The following PRSS55 variants were observed in gnomAD, a reference collection of about 807,000 sequenced individuals.
PRSS55 encodes serine protease 55, also known as probable serine protease UNQ9391/PRO34284.
In PRSS55, 41 loss-of-function variants were observed where a neutral mutation model predicts 23.6. That is an observed-to-expected ratio of 1.74 (90% CI 1.35 to 2.26). The LOEUF is 2.26. Ranked by LOEUF, PRSS55 falls within the 30% of genes most tolerant of loss-of-function variation. The pLI, the probability that PRSS55 is intolerant of heterozygous loss-of-function variation, is 0.00. For missense variants in PRSS55, 669 were observed against 439.1 expected (o/e 1.52, Z -4.68); for synonymous variants, 262 against 175.5 (o/e 1.49, Z -3.90).
Position 10,531,305 on chromosome 8 carries a change from C to A in PRSS55, c.358C>A (p.Leu120Met), listed in dbSNP as rs773837631. 5.0e-5 allele frequency: 81 copies of A among 1,613,942 alleles called. 1 individual carries two copies. In the South Asian group the frequency reaches 7.5e-4, roughly 15 times the overall value. The change falls in exon 3 of 5, where the codon CTG becomes ATG. Residue 120 changes from leucine (L) to methionine (M), a missense_variant. Transcript: ENST00000328655. The stretch of plus-strand genomic sequence containing the variant: ...GTTCTCTGCCACCAGTCCAGAAGAA[C>A]TGAGTGTCGTGCTGGGGACCAACGA... ...LYSEELFPEE[L>M]SVVLGTNDLT...
intron 4 of PRSS55, among the ~76,000 whole-genome samples, chr8:10,546,277 C>T (rs905807801): frequency 1.3e-5 from 2 of 152,134 alleles, no homozygotes; most frequent in African/African-American, 4.8e-5. Context: ...AAACCATGAG[C>T]AAAGCCTGCC....
At chr8:10,532,376 G>A (rs1812299466) in intron 3 of PRSS55, among the ~76,000 whole-genome samples, 1 of 152,090 alleles carries the variant, frequency 6.6e-6, no homozygotes, top group South Asian at 2.1e-4. Context: ...AGATGGAGAG[G>A]AATTCAGGTG....
At position 10,525,663 on chromosome 8, in the gene PRSS55, G is replaced by T. The variant is rs1443705658; in HGVS notation, c.78G>T (p.Glu26Asp). ...TQLGPRTPLP[E>D]AGVAILGRAR... ...TCGGTCCACGGACTCCTCTCCCAGAGGCTGGAGTGGCTATCCTAGGCAGGG... is the reference window on the plus strand; with the variant it reads ...TCGGTCCACGGACTCCTCTCCCAGATGCTGGAGTGGCTATCCTAGGCAGGG... Residue 26 changes from glutamate to aspartate, a missense_variant, in exon 1 of 5, where the codon GAG (glutamate) becomes GAT (aspartate). By Grantham distance (45) the Glu-to-Asp change is conservative. Transcript: ENST00000328655. 1.9e-6 allele frequency: 3 copies of T among 1,614,166 alleles called. No homozygotes were observed. Among genetic ancestry groups the T allele is most frequent in the Non-Finnish European group, 2.5e-6 (3 of 1,180,018 alleles).
At chr8:10,554,030 T>G in exon 5 of PRSS55, 1 of 1,522,902 alleles carries the variant, frequency 6.6e-7, no homozygotes. Context: ...TCTGCAAAAC[T>G]GATGCTTTGC....
downstream of PRSS55, among the ~76,000 whole-genome samples, chr8:10,542,446 T>G (rs1812685117): frequency 7.0e-6 from 1 of 143,096 alleles, no homozygotes; most frequent in Non-Finnish European, 1.5e-5. Flanking sequence ...GCTAAGACAA[T>G]AAGGGAAAGT....
intron 4 of PRSS55, among the ~76,000 whole-genome samples, chr8:10,544,053 T>C (rs1812745827): frequency 6.6e-6 from 1 of 152,186 alleles, no homozygotes; most frequent in South Asian, 2.1e-4. Flanking sequence ...GTTTATAGTA[T>C]TGCCAAAATC....
Position 10,538,666 on chromosome 8 carries a change from G to A in PRSS55, c.932G>A (p.Arg311Lys), listed in dbSNP as rs867822667. 3 of 1,614,170 alleles carry A rather than the reference G, an allele frequency of 1.9e-6. No individual in the cohort carries two copies. Among genetic ancestry groups the A allele is most frequent in the Non-Finnish European group, 2.5e-6 (3 of 1,180,028 alleles). The stretch of plus-strand genomic sequence containing the variant: ...GGCAGGCCCTTCAATGCAGAGAAAA[G>A]GAGGACTTCTGTCAAACAGAAACCT... ...LEGRPFNAEK[R>K]RTSVKQKPMG... Residue 311 changes from arginine to lysine, a missense_variant, in exon 5 of 5, where the codon AGG becomes AAG. Transcript: ENST00000328655.
chr8:10,543,797 T>C (rs963794487), downstream of PRSS55, among the ~76,000 whole-genome samples: 1 of 147,092 alleles, frequency 6.8e-6, no homozygotes, highest in Non-Finnish European at 1.5e-5. Flanking sequence ...ACTCATTGAT[T>C]ATTTAAGAGT....
At chr8:10,529,169 G>A (rs34026645) in intron 1 of PRSS55, among the ~76,000 whole-genome samples, 3,424 of 152,262 alleles carry the variant, frequency 0.022, 41 homozygotes, top group Middle Eastern at 0.045. Context: ...TGCCCACCAC[G>A]GGGGGTTAGC....
chr8:10,542,727 G>T (rs1416333099), downstream of PRSS55, among the ~76,000 whole-genome samples: 5 of 151,646 alleles, frequency 3.3e-5, no homozygotes, highest in Non-Finnish European at 5.9e-5. Flanking sequence ...AAAAAAATTA[G>T]CTGGGTGTGG....
intron 4 of PRSS55, among the ~76,000 whole-genome samples, chr8:10,547,990 C>T (rs1812859821): frequency 6.6e-6 from 1 of 152,018 alleles, no homozygotes; most frequent in African/African-American, 2.4e-5. Context: ...AGGAGGGACT[C>T]CTTCCTACCC....
intron 2 of PRSS55, among the ~76,000 whole-genome samples, chr8:10,530,902 C>T (rs942695545): frequency 2.0e-5 from 3 of 152,050 alleles, no homozygotes; most frequent in East Asian, 3.9e-4. Context: ...TGCTGGTAGA[C>T]CAGTTGATAC....
At chr8:10,553,485 T>C (rs1451615267) in intron 4 of PRSS55, among the ~76,000 whole-genome samples, 2 of 152,234 alleles carry the variant, frequency 1.3e-5, no homozygotes, top group Non-Finnish European at 2.9e-5. Context: ...AAGGAAATTC[T>C]GTCATTGACA....
chr8:10,538,090 T>A (rs995820349), intron 4 of PRSS55, among the ~76,000 whole-genome samples: 1 of 152,156 alleles, frequency 6.6e-6, no homozygotes, highest in Non-Finnish European at 1.5e-5. Context: ...ACTTCACATG[T>A]CCCATTCCCT....
rs201740403 is a variant in PRSS55, at chr8:10,547,951, G to GGA, written c.742-5989_742-5988dup. Among the ~76,000 whole-genome samples, 399 of 141,410 alleles carry GGA rather than the reference G, an allele frequency of 2.8e-3. 3 individuals are homozygous for GGA. Among genetic ancestry groups the GGA allele is most frequent in the African/African-American group, 9.0e-3 (361 of 40,144 alleles). 92.8% of individuals were successfully genotyped at this position (141,410 alleles called of 152,430 possible). On this transcript the variant is annotated intron_variant, in intron 4 of 4. Transcript: ENST00000522210. ...AACATGACTGGTGGAGAGGCACAGA[G>GGA]GAGAACAGGGAAGAAGGAGTGTGGG...
downstream of PRSS55, among the ~76,000 whole-genome samples, chr8:10,541,716 G>A (rs777932981): frequency 2.6e-5 from 4 of 152,148 alleles, no homozygotes; most frequent in African/African-American, 9.7e-5. Flanking sequence ...CTTCTGTACT[G>A]TGAAGGGGCT....
chr8:10,536,950 T>C (rs772231785), intron 4 of PRSS55, among the ~76,000 whole-genome samples: 1 of 152,192 alleles, frequency 6.6e-6, no homozygotes, highest in South Asian at 2.1e-4. Flanking sequence ...ATTAAATCAT[T>C]TGTACACCAA....
chr8:10,533,735 C>A (rs1244093067), intron 4 of PRSS55, among the ~76,000 whole-genome samples: 2 of 152,204 alleles, frequency 1.3e-5, no homozygotes, highest in Non-Finnish European at 2.9e-5. Context: ...TGCTTAGTCT[C>A]AGCTGAAGAC....
At chr8:10,532,081 A>G (rs962405086) in intron 3 of PRSS55, among the ~76,000 whole-genome samples, 8 of 152,142 alleles carry the variant, frequency 5.3e-5, no homozygotes, top group African/African-American at 1.4e-4. Flanking sequence ...ACAAAACCAA[A>G]AGCAAATAGA....
Sources: gnomAD v4.1 joint callset for allele counts (sites outside exome capture counted in the v4.1 genomes callset) on GRCh38, gnomAD v4.1.1 for gene constraint, MANE v1.5 for transcripts, NCBI Gene and HGNC (gene_info 2026-07-23, HGNC 2026-07-21) for gene names.